PHC2: variants seen among roughly 807,000 people sequenced by gnomAD.
PHC2 encodes polyhomeotic homolog 2, also known as polyhomeotic-like protein 2.
In PHC2, 29 loss-of-function variants were observed where a neutral mutation model predicts 87.4. The observed-to-expected ratio is 0.33, with a 90% CI of 0.25 to 0.45. The LOEUF is 0.45. Among genes scored for constraint, PHC2 ranks in the 20% least tolerant of loss-of-function variants. The pLI is 1.00. For missense variants in PHC2, 857 were observed against 1,136.7 expected (o/e 0.75, Z 3.54); for synonymous variants, 438 against 461.7 (o/e 0.95, Z 0.66).
Position 33,334,572 on chromosome 1 carries a change from C to T in PHC2, c.1559-280G>A, listed in dbSNP as rs1051596659. Among the ~76,000 whole-genome samples the T allele has an allele frequency of 3.9e-5, 6 of 152,292 alleles. No homozygotes were observed. The highest frequency in any genetic ancestry group is 7.2e-5 in the African/African-American group (3 of 41,552). ...CCAACCGTGCTATGAACAGTTAACC[C>T]GGATAAACAGACGGGAATTCTATCT... On this transcript the variant is annotated intron_variant, in intron 9 of 14. Coordinates refer to ENST00000683057, the MANE Select transcript of PHC2 (RefSeq NM_001385109.1). The surrounding 1 kb of genome is among the most constrained non-coding windows in gnomAD (Gnocchi z 5.5).
intron 1 of PHC2, among the ~76,000 whole-genome samples, chr1:33,394,086 C>G (rs1328325767): frequency 6.6e-6 from 1 of 152,142 alleles, no homozygotes; most frequent in African/African-American, 2.4e-5. Flanking sequence ...TAATAAATTT[C>G]AGAAAATTTT....
chr1:33,326,726 G>C (rs1646379304), intron 14 of PHC2, among the ~76,000 whole-genome samples: 1 of 152,210 alleles, frequency 6.6e-6, no homozygotes, highest in Non-Finnish European at 1.5e-5. Context: ...GGCTGAGGTG[G>C]GTGGATCGCC....
At chr1:33,326,708 C>CTT (rs1646378843) in intron 14 of PHC2, among the ~76,000 whole-genome samples, 1 of 152,190 alleles carries the variant, frequency 6.6e-6, no homozygotes, top group African/African-American at 2.4e-5. Context: ...AATCCCAGCA[C>CTT]TTTAGGAGGC....
intron 9 of PHC2, chr1:33,347,179 G>T (rs1646860243): frequency 2.0e-6 from 2 of 984,842 alleles, no homozygotes; most frequent in Non-Finnish European, 2.4e-6. Flanking sequence ...TGAGGGAAGG[G>T]CTTGGTGGCA....
intron 1 of PHC2, among the ~76,000 whole-genome samples, chr1:33,395,771 T>C (rs56057446): frequency 6.6e-6 from 1 of 152,150 alleles, no homozygotes; most frequent in Non-Finnish European, 1.5e-5. Flanking sequence ...GACATTGGGG[T>C]AAAAGACAAA....
At chr1:33,335,279 C>T (rs1000509319) in intron 9 of PHC2, 1 of 985,266 alleles carries the variant, frequency 1.0e-6, no homozygotes, top group Non-Finnish European at 1.2e-6. Context: ...TTCTGTAACT[C>T]TCTCCCGCCC....
intron 14 of PHC2, chr1:33,325,625 T>TAGACTA (rs1646353293): frequency 1.0e-5 from 3 of 300,032 alleles, no homozygotes. Flanking sequence ...TTCTAGTTCT[T>TAGACTA]AGACTAAGAG....
intron 1 of PHC2, among the ~76,000 whole-genome samples, chr1:33,392,483 C>A (rs1649111243): frequency 6.6e-6 from 1 of 152,204 alleles, no homozygotes; most frequent in Non-Finnish European, 1.5e-5. Flanking sequence ...CGTTTATTCA[C>A]TTCACTAGAG....
At chr1:33,360,084 T>C (rs992499646) in intron 7 of PHC2, among the ~76,000 whole-genome samples, 1 of 152,142 alleles carries the variant, frequency 6.6e-6, no homozygotes, top group Non-Finnish European at 1.5e-5. Context: ...CCTAAAGCAA[T>C]AGCCACACAA....
At chr1:33,367,048 GAA>G in intron 7 of PHC2, 66 bp downstream of exon 7, 1 of 1,353,398 alleles carries the variant, frequency 7.4e-7, no homozygotes, top group South Asian at 1.4e-5. Flanking sequence ...AGGAAAGTGT[GAA>G]AGTCTCCTCC....
In PHC2 at chr1:33,364,679, T is replaced by C. The variant is rs1647346188; in HGVS notation, c.976+2437A>G. On this transcript the variant is annotated intron_variant, in intron 7 of 14. Transcript: ENST00000683057. This position sits in a 1 kb window ranked among gnomAD's most constrained non-coding sequence, Gnocchi z 4.1. Reference sequence around the variant, plus strand: ...GGTGGGAGTGGGGCAGCGCCATCTCTGGGCTTACAGAGAGGAAGGGGTGGG... The same window carrying C: ...GGTGGGAGTGGGGCAGCGCCATCTCCGGGCTTACAGAGAGGAAGGGGTGGG... Among the ~76,000 whole-genome samples, 1 of 152,184 alleles carries C rather than the reference T, an allele frequency of 6.6e-6. No homozygotes were observed. The highest frequency in any genetic ancestry group is 1.5e-5 in the Non-Finnish European group (1 of 68,026).
At chr1:33,400,504 A>G (rs1195622600) in intron 1 of PHC2, among the ~76,000 whole-genome samples, 1 of 152,226 alleles carries the variant, frequency 6.6e-6, no homozygotes, top group Non-Finnish European at 1.5e-5. Flanking sequence ...CCTGACATGA[A>G]TTATCTCATT....
chr1:33,372,442 G>A lies in PHC2; in HGVS notation c.180C>T (p.Ile60=). The A allele has an allele frequency of 6.4e-7, 1 of 1,555,514 alleles. No homozygotes were observed. The highest frequency in any genetic ancestry group is 1.2e-5 in the South Asian group (1 of 84,266). The change falls in exon 3 of 15, where the codon ATC becomes ATT. Residue 60 remains isoleucine, a synonymous_variant. Coordinates refer to ENST00000683057, the MANE Select transcript of PHC2 (RefSeq NM_001385109.1). ...GIPDRQTVQV[I]QQALHRQPST... ...TGGGCTGTCTGTGCAGGGCCTGCTGGATCACCTGAGAAGGGAGGGAGGGGG... is the reference window on the plus strand; with the variant it reads ...TGGGCTGTCTGTGCAGGGCCTGCTGAATCACCTGAGAAGGGAGGGAGGGGG...
intron 14 of PHC2, among the ~76,000 whole-genome samples, chr1:33,328,217 C>G (rs967807117): frequency 6.6e-6 from 1 of 152,140 alleles, no homozygotes; most frequent in African/African-American, 2.4e-5. Context: ...CGGGCCTCAC[C>G]ACCACTTGTG....
rs1253177688 is a variant in PHC2 at position 33,354,383 on chromosome 1, C to A, written c.1558+18G>T. Reference sequence around the variant, plus strand: ...GCCAACTTCCTCCCCTCCCCCAGGGCCCCACTGTGCTTCATACCGTGAGCT... The same window carrying A: ...GCCAACTTCCTCCCCTCCCCCAGGGACCCACTGTGCTTCATACCGTGAGCT... On this transcript the variant is annotated intron_variant, in intron 9 of 14. Coordinates refer to ENST00000683057, the MANE Select transcript of PHC2 (RefSeq NM_001385109.1). 1 of 1,599,852 alleles carries A rather than the reference C, an allele frequency of 6.3e-7. No homozygotes were observed. Among genetic ancestry groups the A allele is most frequent in the Middle Eastern group, 1.9e-4 (1 of 5,274 alleles).
At chr1:33,398,479 T>C (rs1307467691) in intron 1 of PHC2, among the ~76,000 whole-genome samples, 1 of 152,240 alleles carries the variant, frequency 6.6e-6, no homozygotes, top group African/African-American at 2.4e-5. Context: ...ATGTTAACAA[T>C]GGCTGCTTTG....
intron 14 of PHC2, among the ~76,000 whole-genome samples, chr1:33,326,832 A>T (rs888735500): frequency 2.6e-5 from 4 of 152,144 alleles, no homozygotes; most frequent in Non-Finnish European, 5.9e-5. Flanking sequence ...AATGTCTGTA[A>T]TCCCAGCTAC....
intron 9 of PHC2, chr1:33,346,204 G>T: frequency 1.0e-6 from 1 of 972,724 alleles, no homozygotes; most frequent in Non-Finnish European, 1.2e-6. Context: ...TTCTCACCCT[G>T]CTTTCCCATA....
At chr1:33,366,261 C>T (rs528040349) in intron 7 of PHC2, among the ~76,000 whole-genome samples, 27 of 152,180 alleles carry the variant, frequency 1.8e-4, no homozygotes, top group South Asian at 2.1e-4. Context: ...CCATGTGCTT[C>T]GCCACTCTAT....
Sources: gnomAD v4.1 joint callset for allele counts (sites outside exome capture counted in the v4.1 genomes callset) on GRCh38, gnomAD v4.1.1 for gene constraint, Gnocchi (gnomAD v3.1) non-coding constraint, MANE v1.5 for transcripts, NCBI Gene and HGNC (gene_info 2026-07-23, HGNC 2026-07-21) for gene names.